The following LRRTM4 variants were observed in gnomAD, a reference collection of about 807,000 sequenced individuals.
The protein encoded by LRRTM4 is leucine-rich repeat transmembrane neuronal protein 4.
LRRTM4 carries 25 observed loss-of-function variants against 47.6 expected under a neutral mutation model. The observed-to-expected ratio is 0.53, with a 90% CI of 0.38 to 0.73. The LOEUF (loss-of-function observed/expected upper bound fraction) is 0.73, where lower values mean the gene tolerates loss of function less well. Among genes scored for constraint, LRRTM4 ranks in the 30% least tolerant of loss-of-function variants. The pLI is 0.00. For synonymous variants in LRRTM4, 311 were observed against 269.5 expected (o/e 1.15, Z -1.51); for missense variants, 638 against 713.4 (o/e 0.89, Z 1.20).
At chr2:77,481,684 T>C (rs1476007490) in intron 3 of LRRTM4, among the ~76,000 whole-genome samples, 1 of 152,176 alleles carries the variant, frequency 6.6e-6, no homozygotes, top group African/African-American at 2.4e-5. Flanking sequence ...AATTTGAAAC[T>C]GTGAGATTCT....
At chr2:77,425,170 G>C (rs531258485) in intron 3 of LRRTM4, among the ~76,000 whole-genome samples, 2 of 114,908 alleles carry the variant, frequency 1.7e-5, no homozygotes, top group Admixed American at 7.7e-5. Context: ...TATTCATTCA[G>C]AGTAAACCAA....
intron 3 of LRRTM4, among the ~76,000 whole-genome samples, chr2:77,033,225 C>A (rs983200846): frequency 2.0e-5 from 3 of 151,848 alleles, no homozygotes; most frequent in African/African-American, 7.2e-5. Context: ...ATTTTCTAAA[C>A]AAGATCATTG....
chr2:77,497,357 G>A (rs866909751), intron 3 of LRRTM4, among the ~76,000 whole-genome samples: 1 of 148,722 alleles, frequency 6.7e-6, no homozygotes, highest in Non-Finnish European at 1.5e-5. Flanking sequence ...GATTTGCTCT[G>A]TTTTTTTTTA....
chr2:77,173,985 T>G (rs1176416507), intron 3 of LRRTM4, among the ~76,000 whole-genome samples: 1 of 152,204 alleles, frequency 6.6e-6, no homozygotes, highest in Non-Finnish European at 1.5e-5. Context: ...CATATCTTAA[T>G]AGGATGGATG....
At chr2:77,052,404 G>A (rs1348024106) in intron 3 of LRRTM4, among the ~76,000 whole-genome samples, 1 of 151,646 alleles carries the variant, frequency 6.6e-6, no homozygotes, top group African/African-American at 2.4e-5. Flanking sequence ...CCTGACCTCA[G>A]GAGATCCACC....
chr2:77,100,031 A>T (rs1424595635), intron 3 of LRRTM4, among the ~76,000 whole-genome samples: 1 of 151,842 alleles, frequency 6.6e-6, no homozygotes, highest in Non-Finnish European at 1.5e-5. Context: ...CTACTGATTG[A>T]TTTTTCTCAT....
At chr2:77,251,348 A>G (rs773083523) in intron 3 of LRRTM4, among the ~76,000 whole-genome samples, 48 of 151,654 alleles carry the variant, frequency 3.2e-4, no homozygotes, top group Non-Finnish European at 4.9e-4. Context: ...TGTCTATTGT[A>G]GATTTTTAAG....
chr2:77,346,056 T>A (rs1374090752), intron 3 of LRRTM4, among the ~76,000 whole-genome samples: 1 of 152,024 alleles, frequency 6.6e-6, no homozygotes, highest in Non-Finnish European at 1.5e-5. Context: ...GGTACTTGCG[T>A]CACCCTTATG....
chr2:76,840,158 A>G (rs550961481), intron 3 of LRRTM4, among the ~76,000 whole-genome samples: 1 of 152,334 alleles, frequency 6.6e-6, no homozygotes, highest in South Asian at 2.1e-4. Flanking sequence ...TAACGTGAAG[A>G]CAGGGGGAGG....
At chr2:77,488,959 C>T (rs569675690) in intron 3 of LRRTM4, among the ~76,000 whole-genome samples, 1 of 151,338 alleles carries the variant, frequency 6.6e-6, no homozygotes, top group South Asian at 2.1e-4. Flanking sequence ...TGTAACAAAC[C>T]TGCACATAGT....
rs1017070609 is a variant in LRRTM4 at position 77,244,341 on chromosome 2, G to T, written c.1551+273977C>A. Among the ~76,000 whole-genome samples the T allele has an allele frequency of 2.6e-5, 4 of 151,170 alleles. No homozygotes were observed. In the South Asian group the frequency reaches 8.4e-4, roughly 32 times the overall value. On this transcript the variant is annotated intron_variant, in intron 3 of 3. Transcript: ENST00000409884. ...TCTAGTTCTAGATCCCTGAGGAATC[G>T]CCACACTGACTTCCACAATGGTTGA... is the stretch of plus-strand genomic sequence containing the variant.
intron 3 of LRRTM4, among the ~76,000 whole-genome samples, chr2:77,327,942 G>A (rs1670837847): frequency 6.6e-6 from 1 of 152,084 alleles, no homozygotes; most frequent in African/African-American, 2.4e-5. Flanking sequence ...CATAGAAAGA[G>A]GGACAGAAGA....
chr2:77,193,666 C>T lies in LRRTM4; in HGVS notation c.1551+324652G>A, dbSNP rs1673735446. 2.0e-5 allele frequency among the ~76,000 whole-genome samples: 3 copies of T among 151,898 alleles called. 1 individual carries two copies. Among genetic ancestry groups the T allele is most frequent in the South Asian group, 4.1e-4 (2 of 4,826 alleles). On this transcript the variant is annotated intron_variant, in intron 3 of 3. Transcript: ENST00000409884. ...CTCTACAAAAAATACAAAAATTAGC[C>T]GGGCATGGTGGCACATGCTTGTAAT...
At chr2:77,454,412 T>C (rs559889098) in intron 3 of LRRTM4, among the ~76,000 whole-genome samples, 3 of 152,208 alleles carry the variant, frequency 2.0e-5, no homozygotes, top group Admixed American at 6.5e-5. Context: ...TGACTTTTCT[T>C]TACCGCATTT....
At chr2:77,522,062 C>A in intron 1 of LRRTM4, 47 bp downstream of exon 1, 1 of 714,584 alleles carries the variant, frequency 1.4e-6, no homozygotes, top group Non-Finnish European at 2.6e-6. Flanking sequence ...CGGAGGTAAC[C>A]AACTTCTCTG....
intron 3 of LRRTM4, among the ~76,000 whole-genome samples, chr2:77,289,542 T>A (rs1018679984): frequency 1.3e-5 from 2 of 152,020 alleles, no homozygotes; most frequent in African/African-American, 4.8e-5. Context: ...TTATTTTATC[T>A]CATGCCAATA....
chr2:77,455,459 G>A (rs377418581), intron 3 of LRRTM4, among the ~76,000 whole-genome samples: 57 of 151,996 alleles, frequency 3.8e-4, no homozygotes, highest in African/African-American at 1.2e-3. Context: ...GGCTCCAAAT[G>A]ACATGGTTTT....
intron 3 of LRRTM4, among the ~76,000 whole-genome samples, chr2:77,072,726 G>C (rs1159948444): frequency 1.4e-5 from 2 of 143,684 alleles, no homozygotes; most frequent in Non-Finnish European, 3.0e-5. Flanking sequence ...TTAAGCCCTG[G>C]AGATGGAGGT....
At chr2:77,490,517 A>G (rs1678104088) in intron 3 of LRRTM4, among the ~76,000 whole-genome samples, 1 of 152,168 alleles carries the variant, frequency 6.6e-6, no homozygotes, top group African/African-American at 2.4e-5. Flanking sequence ...ACTTTCTGGG[A>G]GGTGCAATCC....
Sources: allele counts gnomAD v4.1 joint callset (sites outside exome capture counted in the v4.1 genomes callset), GRCh38; gene constraint gnomAD v4.1.1; transcripts MANE v1.5; gene names NCBI Gene and HGNC (gene_info 2026-07-23, HGNC 2026-07-21).